The following MSMB variants were observed in gnomAD, a reference collection of about 807,000 sequenced individuals.
MSMB encodes microseminoprotein beta.
In MSMB, 10 loss-of-function variants were observed where a neutral mutation model predicts 10.5. The observed-to-expected ratio is 0.95, with a 90% confidence interval of 0.59 to 1.62. The LOEUF (loss-of-function observed/expected upper bound fraction) is 1.62, where lower values mean the gene tolerates loss of function less well. Among genes scored for constraint, MSMB ranks in the 40% most tolerant of loss-of-function variants. MSMB has a pLI of 0.00. For synonymous variants in MSMB, 43 were observed against 46.5 expected (o/e 0.93, Z 0.30); for missense variants, 126 against 137.4 (o/e 0.92, Z 0.42).
chr10:46,046,103 T>C (rs1564938394), intron 1 of MSMB, 132 bp downstream of exon 1: 5 of 927,638 alleles, frequency 5.4e-6, no homozygotes, highest in East Asian at 4.8e-5. Context: ...GAATTGCAGG[T>C]AATAACATAA....
At chr10:46,036,147 C>T (rs1419288380) in intron 3 of MSMB, among the ~76,000 whole-genome samples, 2 of 152,086 alleles carry the variant, frequency 1.3e-5, no homozygotes, top group African/African-American at 4.8e-5. Flanking sequence ...GCCCGGGCAG[C>T]GTGGAGCCCA....
intron 1 of MSMB, among the ~76,000 whole-genome samples, chr10:46,044,350 G>A (rs1590198995): frequency 6.6e-6 from 1 of 151,824 alleles, no homozygotes; most frequent in African/African-American, 2.4e-5. Context: ...GCCGAGGCGG[G>A]TGGATCATGA....
intron 1 of MSMB, among the ~76,000 whole-genome samples, chr10:46,040,726 G>A (rs918502041): frequency 2.0e-5 from 3 of 152,200 alleles, no homozygotes; most frequent in South Asian, 2.1e-4. Context: ...AGGCCAAGGC[G>A]GGTGGATCAT....
At chr10:46,038,143 T>A (rs1380456155) in intron 3 of MSMB, among the ~76,000 whole-genome samples, 4 of 152,178 alleles carry the variant, frequency 2.6e-5, no homozygotes, top group Non-Finnish European at 5.9e-5. Context: ...GACTGCTTAA[T>A]GGGTATAGAG....
At chr10:46,045,217 G>A (rs1213052429) in intron 1 of MSMB, among the ~76,000 whole-genome samples, 4 of 152,146 alleles carry the variant, frequency 2.6e-5, no homozygotes, top group Non-Finnish European at 4.4e-5. Flanking sequence ...GCCTGCATGG[G>A]TTTTTATAAA....
chr10:46,033,760 GA>G (rs1554927167), intron 3 of MSMB, among the ~76,000 whole-genome samples: 1 of 152,228 alleles, frequency 6.6e-6, no homozygotes, highest in African/African-American at 2.4e-5. Context: ...TGCAGGCACA[GA>G]AGGTCATCAG....
intron 1 of MSMB, among the ~76,000 whole-genome samples, chr10:46,044,342 C>T (rs985849054): frequency 2.8e-4 from 42 of 151,304 alleles, no homozygotes; most frequent in Non-Finnish European, 4.9e-4. Context: ...TTTGGGAGGC[C>T]GAGGCGGGTG....
intron 1 of MSMB, among the ~76,000 whole-genome samples, chr10:46,040,971 A>C (rs1158450780): frequency 2.0e-5 from 3 of 151,658 alleles, no homozygotes; most frequent in Admixed American, 2.0e-4. Context: ...AAAAAAGCCA[A>C]ACTTCTCTGG....
chr10:46,040,224 C>T, intron 1 of MSMB, 133 bp from the exon 2 acceptor site: 1 of 539,228 alleles, frequency 1.9e-6, no homozygotes, highest in Non-Finnish European at 3.1e-6. Context: ...CTGAACAAAC[C>T]AGTTAATCTA....
chr10:46,041,117 G>C (rs1173364892), intron 1 of MSMB, among the ~76,000 whole-genome samples: 4 of 152,118 alleles, frequency 2.6e-5, no homozygotes, highest in African/African-American at 9.7e-5. Context: ...GCGGAGGTGG[G>C]TGGATTGCCT....
At chr10:46,033,878 T>C (rs1840526024) in intron 3 of MSMB, among the ~76,000 whole-genome samples, 1 of 152,196 alleles carries the variant, frequency 6.6e-6, no homozygotes. Context: ...CAGCATATTG[T>C]TGCTAGAATG....
intron 3 of MSMB, among the ~76,000 whole-genome samples, chr10:46,035,065 T>C (rs1232525999): frequency 6.6e-6 from 1 of 152,216 alleles, no homozygotes; most frequent in Non-Finnish European, 1.5e-5. Context: ...GTATTTCTTC[T>C]TTTTTCTCTT....
In MSMB at chr10:46,038,992, G is replaced by A. The variant is rs782049374; in HGVS notation, c.189C>T (p.Tyr63=). 5.1e-5 allele frequency: 82 copies of A among 1,613,818 alleles called. No individual in the cohort carries two copies. Among genetic ancestry groups the A allele is most frequent in the Non-Finnish European group, 6.6e-5 (78 of 1,179,896 alleles). The change falls in exon 3 of 4, where the codon TAC becomes TAT. Residue 63 remains tyrosine, a synonymous_variant. Coordinates refer to ENST00000582163, the MANE Select transcript of MSMB (RefSeq NM_002443.4). ...QTDNCETCTC[Y]ETEISCCTLV... is the part of the protein sequence containing the mutation. Reference sequence around the variant, plus strand: ...GGGTGCAACATGAAATTTCTGTTTCGTAGCAAGTGCATGTCTCACAGTTGT... The same window carrying A: ...GGGTGCAACATGAAATTTCTGTTTCATAGCAAGTGCATGTCTCACAGTTGT...
At chr10:46,039,752 C>CA (rs1263347073) in intron 2 of MSMB, among the ~76,000 whole-genome samples, 1 of 152,276 alleles carries the variant, frequency 6.6e-6, no homozygotes, top group East Asian at 1.9e-4. Flanking sequence ...CATGATGGCA[C>CA]ACACCTGTAG....
At chr10:46,036,722 A>G (rs548534951) in intron 3 of MSMB, among the ~76,000 whole-genome samples, 17 of 152,306 alleles carry the variant, frequency 1.1e-4, no homozygotes, top group African/African-American at 3.6e-4. Context: ...CACTGCAAGG[A>G]GCAGCCTGGC....
chr10:46,044,143 T>G (rs1344908870), intron 1 of MSMB, among the ~76,000 whole-genome samples: 1 of 152,158 alleles, frequency 6.6e-6, no homozygotes, highest in African/African-American at 2.4e-5. Context: ...TTCCTTCCCT[T>G]TGTGTCTTCC....
intron 3 of MSMB, among the ~76,000 whole-genome samples, chr10:46,035,728 A>G (rs782068053): frequency 2.6e-5 from 4 of 152,212 alleles, no homozygotes; most frequent in Non-Finnish European, 4.4e-5. Context: ...AATAGTGTTT[A>G]TGGTTGCATA....
intron 3 of MSMB, among the ~76,000 whole-genome samples, chr10:46,035,590 T>C (rs1840583602): frequency 6.6e-6 from 1 of 152,156 alleles, no homozygotes; most frequent in South Asian, 2.1e-4. Flanking sequence ...ATGTGAAATA[T>C]CTAGAGTAGG....
chr10:46,039,921 A>G, intron 2 of MSMB, 65 bp downstream of exon 2: 1 of 1,186,798 alleles, frequency 8.4e-7, no homozygotes. Context: ...AAAGGCTTTC[A>G]TCTGCAGACA....
Sources: allele counts gnomAD v4.1 joint callset (sites outside exome capture counted in the v4.1 genomes callset), GRCh38; gene constraint gnomAD v4.1.1; transcripts MANE v1.5; gene names NCBI Gene and HGNC (gene_info 2026-07-23, HGNC 2026-07-21).